WDR19: variants seen among roughly 807,000 people sequenced by gnomAD.
The protein encoded by WDR19 is WD repeat-containing protein 19.
In WDR19, 121 loss-of-function variants were observed where a neutral mutation model predicts 180.0. That is an observed-to-expected ratio of 0.67 (90% CI 0.58 to 0.78). WDR19 has a LOEUF of 0.78. Among genes scored for constraint, WDR19 ranks in the 30% least tolerant of loss-of-function variants. The probability of loss-of-function intolerance (pLI) is 0.00; values close to 1 mark genes in which losing one functional copy is unlikely to be tolerated. For missense variants in WDR19, 1,450 were observed against 1,640.7 expected (o/e 0.88, Z 2.01); for synonymous variants, 497 against 540.7 (o/e 0.92, Z 1.12).
chr4:39,273,295 A>G, intron 32 of WDR19: 1 of 496,732 alleles, frequency 2.0e-6, no homozygotes, highest in Non-Finnish European at 3.5e-6. Flanking sequence ...TCACAGCAAA[A>G]GGATCTGAGG....
At chr4:39,239,076 A>C (rs1284756733) in intron 20 of WDR19, among the ~76,000 whole-genome samples, 1 of 152,070 alleles carries the variant, frequency 6.6e-6, no homozygotes, top group African/African-American at 2.4e-5. Context: ...TCCCGGGTTC[A>C]AGCAATTCTC....
At chr4:39,211,979 GAGAGAGAT>G (rs1728586943) in intron 9 of WDR19, among the ~76,000 whole-genome samples, 9 of 94,304 alleles carry the variant, frequency 9.5e-5, no homozygotes, top group African/African-American at 3.1e-4. Flanking sequence ...GAGAGAGAGA[GAGAGAGAT>G]AGATAGATGT....
intron 9 of WDR19, among the ~76,000 whole-genome samples, chr4:39,214,207 G>A (rs541688376): frequency 6.6e-6 from 1 of 152,248 alleles, no homozygotes; most frequent in East Asian, 1.9e-4. Context: ...ACTCTGGGCA[G>A]GGGAGAAAGG....
intron 1 of WDR19, among the ~76,000 whole-genome samples, 166 bp downstream of exon 1, chr4:39,182,729 A>T (rs1725070709): frequency 6.6e-6 from 1 of 151,956 alleles, no homozygotes; most frequent in Non-Finnish European, 1.5e-5. Context: ...AGCTGAAGGG[A>T]CGAGAGAAAG....
chr4:39,223,532 TG>T (rs1334689544), intron 14 of WDR19, among the ~76,000 whole-genome samples: 7 of 151,942 alleles, frequency 4.6e-5, no homozygotes, highest in Admixed American at 3.9e-4. Flanking sequence ...GGTTTCACCA[TG>T]TTTTAGTAGA....
rs1232298683 is a variant in WDR19, at chr4:39,217,970, C to A, written c.1357-13C>A. ...AATAAATCTGTGAGCCATTATTATT[C>A]TTTACGTTTTAGATAGAAAGCGAAA... On this transcript the variant is annotated splice_polypyrimidine_tract_variant and intron_variant, in intron 13 of 36. Coordinates refer to ENST00000399820, the MANE Select transcript of WDR19 (RefSeq NM_025132.4). 2.5e-6 allele frequency: 4 copies of A among 1,613,028 alleles called. No homozygotes were observed. The highest frequency in any genetic ancestry group is 3.4e-6 in the Non-Finnish European group (4 of 1,179,492).
chr4:39,273,258 A>C (rs1735558753), intron 32 of WDR19, 197 bp downstream of exon 32: 2 of 527,352 alleles, frequency 3.8e-6, no homozygotes, highest in East Asian at 3.4e-5. Context: ...AAGAGTCAAC[A>C]CACAGTAGTA....
chr4:39,267,789 T>C (rs1162875368), intron 29 of WDR19, among the ~76,000 whole-genome samples: 8 of 152,172 alleles, frequency 5.3e-5, no homozygotes, highest in Admixed American at 5.2e-4. Flanking sequence ...GCATTAGTAT[T>C]TCTCAAGTAC....
chr4:39,229,602 CG>C (rs1730632846), intron 17 of WDR19, among the ~76,000 whole-genome samples: 1 of 151,976 alleles, frequency 6.6e-6, no homozygotes, highest in East Asian at 1.9e-4. Context: ...ATTCCTTTGA[CG>C]TTCTAATTCT....
chr4:39,265,208 C>T (rs943026351), intron 28 of WDR19, among the ~76,000 whole-genome samples: 1 of 151,858 alleles, frequency 6.6e-6, no homozygotes, highest in Non-Finnish European at 1.5e-5. Context: ...CATGAGCCAC[C>T]GTGCCTGGCC....
intron 28 of WDR19, 109 bp from the exon 29 acceptor site, chr4:39,265,954 A>T: frequency 1.1e-6 from 1 of 876,690 alleles, no homozygotes; most frequent in Non-Finnish European, 1.8e-6. Context: ...TACTATAGAT[A>T]CTATTAATGT....
chr4:39,265,746 T>C (rs1287533811), intron 28 of WDR19, among the ~76,000 whole-genome samples: 1 of 131,832 alleles, frequency 7.6e-6, no homozygotes, highest in Non-Finnish European at 1.5e-5. Flanking sequence ...CACTCCAGCC[T>C]GGTGACAGAG....
At position 39,199,579 on chromosome 4, in the gene WDR19, G is replaced by A; in HGVS notation, c.508G>A (p.Asp170Asn). 1 of 1,612,256 alleles carries A rather than the reference G, an allele frequency of 6.2e-7. No individual in the cohort carries two copies. Among genetic ancestry groups the A allele is most frequent in the East Asian group, 2.2e-5 (1 of 44,756 alleles). The change falls in exon 6 of 37, where the codon GAC becomes AAC. Residue 170 changes from aspartate (D) to asparagine (N), a missense_variant. Asp to Asn is a conservative substitution (Grantham distance 23, BLOSUM62 1). Transcript: ENST00000399820. Reference protein sequence around the residue: ...KMITVSNQEGDTIRQTQVRSE... With the variant: ...KMITVSNQEGNTIRQTQVRSE... ...GATTACAGTTAGTAATCAGGAAGGT[G>A]ACACGATAAGACAGGTAATACAGTA...
In WDR19 at chr4:39,285,490, C is replaced by T. The variant is rs935947933; in HGVS notation, c.*17C>T. On this transcript the variant is annotated 3_prime_UTR_variant, in exon 37 of 37. Transcript: ENST00000399820. ...GTGTTCTGTTTGTCCTTTCTAGATA[C>T]AATGCTCCTGAGAAGACAGCATTTT... The T allele has an allele frequency of 1.3e-5, 2 of 152,204 alleles. No homozygotes were observed. The highest frequency in any genetic ancestry group is 2.9e-5 in the Non-Finnish European group (2 of 68,036). 9.4% of individuals were successfully genotyped at this position (152,204 alleles called of 1,614,324 possible).
At chr4:39,248,909 A>G (rs1400238088) in intron 24 of WDR19, among the ~76,000 whole-genome samples, 2 of 152,196 alleles carry the variant, frequency 1.3e-5, no homozygotes, top group African/African-American at 4.8e-5. Context: ...ATAATGGGAG[A>G]CTTTAACACC....
At chr4:39,220,614 A>G (rs2109338807) in intron 14 of WDR19, among the ~76,000 whole-genome samples, 1 of 101,624 alleles carries the variant, frequency 9.8e-6, no homozygotes, top group South Asian at 3.6e-4. Flanking sequence ...TCGCCCATGC[A>G]ATTCTCTGCC....
At chr4:39,272,344 G>A (rs545951516) in intron 31 of WDR19, among the ~76,000 whole-genome samples, 1 of 152,256 alleles carries the variant, frequency 6.6e-6, no homozygotes, top group South Asian at 2.1e-4. Flanking sequence ...GGCCCCAAGG[G>A]TTGGCATCAT....
At position 39,266,078 on chromosome 4, in the gene WDR19, G is replaced by T; in HGVS notation, c.3199G>T (p.Asp1067Tyr). 6.4e-7 allele frequency: 1 copy of T among 1,556,612 alleles called. No homozygotes were observed. ...TATTAAACAGGTTGGTCAGGCCAAA[G>T]ATGAACTGCTGACCAATCAGCTGAT... Reference protein sequence around the residue: ...MAIETVGQAKDELLTNQLIDH... With the variant: ...MAIETVGQAKYELLTNQLIDH... The change falls in exon 29 of 37, where the codon GAT (aspartate) becomes TAT (tyrosine). Residue 1067 changes from aspartate to tyrosine, a missense_variant. Transcript: ENST00000399820.
intron 7 of WDR19, 37 bp from the exon 8 acceptor site, chr4:39,205,113 CTAAG>C: frequency 7.0e-7 from 1 of 1,422,752 alleles, no homozygotes; most frequent in Non-Finnish European, 9.6e-7. Context: ...TCATGAAGTA[CTAAG>C]TAACTCATTT....
Sources: allele counts gnomAD v4.1 joint callset (sites outside exome capture counted in the v4.1 genomes callset), GRCh38; gene constraint gnomAD v4.1.1; transcripts MANE v1.5; gene names NCBI Gene and HGNC (gene_info 2026-07-23, HGNC 2026-07-21).